Variants in EYS observed in about 807,000 individuals in gnomAD.
The protein encoded by EYS is protein eyes shut homolog.
A neutral mutation model predicts 282.1 loss-of-function variants in EYS; 250 were observed. The observed-to-expected ratio is 0.89, with a 90% CI of 0.80 to 0.98. The LOEUF is 0.98. Among genes scored for constraint, EYS ranks in the 50% least tolerant of loss-of-function variants. The pLI is 0.00. For missense variants in EYS, 4,016 were observed against 3,709.0 expected (o/e 1.08, Z -2.15); for synonymous variants, 1,355 against 1,282.9 (o/e 1.06, Z -1.20).
intron 37 of EYS, among the ~76,000 whole-genome samples, chr6:63,803,478 G>T (rs1055050612): frequency 3.3e-5 from 5 of 152,150 alleles, no homozygotes; most frequent in African/African-American, 4.8e-5. Context: ...GCCAGCCAAA[G>T]CCTGTAACAA....
At chr6:64,300,339 G>A (rs769134403) in intron 30 of EYS, among the ~76,000 whole-genome samples, 2 of 152,146 alleles carry the variant, frequency 1.3e-5, no homozygotes, top group Non-Finnish European at 2.9e-5. Flanking sequence ...CACTGCTGCC[G>A]TCTAGCTCCG....
intron 29 of EYS, among the ~76,000 whole-genome samples, chr6:64,382,470 T>C (rs539092008): frequency 1.3e-5 from 2 of 152,288 alleles, no homozygotes; most frequent in South Asian, 2.1e-4. Flanking sequence ...CTCACCTCCA[T>C]TTAGTTGCTT....
chr6:65,051,077 T>C (rs1337099466), intron 13 of EYS, among the ~76,000 whole-genome samples: 1 of 151,640 alleles, frequency 6.6e-6, no homozygotes, highest in East Asian at 1.9e-4. Flanking sequence ...ATTTTACTTG[T>C]CTATACGTAG....
At chr6:63,879,664 C>A (rs1425990335) in intron 35 of EYS, among the ~76,000 whole-genome samples, 1 of 152,138 alleles carries the variant, frequency 6.6e-6, no homozygotes, top group Non-Finnish European at 1.5e-5. Context: ...ATCCTGGGGA[C>A]AGTTTGGTTA....
chr6:64,843,658 C>A (rs1038469306), intron 19 of EYS, among the ~76,000 whole-genome samples: 1 of 152,054 alleles, frequency 6.6e-6, no homozygotes, highest in Non-Finnish European at 1.5e-5. Flanking sequence ...AACTAGCTTC[C>A]TATTGATTTT....
intron 8 of EYS, among the ~76,000 whole-genome samples, chr6:65,377,317 TC>T (rs1765408245): frequency 6.6e-6 from 1 of 152,064 alleles, no homozygotes; most frequent in African/African-American, 2.4e-5. Context: ...ACAACAAAGT[TC>T]TTTGAAACCA....
At chr6:64,029,115 C>T (rs574184565) in intron 33 of EYS, among the ~76,000 whole-genome samples, 29 of 152,136 alleles carry the variant, frequency 1.9e-4, no homozygotes, top group Non-Finnish European at 3.5e-4. Flanking sequence ...AGAATGGGAA[C>T]CAGAGGCAGA....
At chr6:64,954,000 C>A (rs1235420890) in intron 14 of EYS, among the ~76,000 whole-genome samples, 1 of 38,084 alleles carries the variant, frequency 2.6e-5, no homozygotes, top group Non-Finnish European at 5.1e-5. Flanking sequence ...TTATACTTTT[C>A]ATTAGTAACA....
At chr6:65,346,439 G>A (rs1770398377) in intron 9 of EYS, among the ~76,000 whole-genome samples, 1 of 148,752 alleles carries the variant, frequency 6.7e-6, no homozygotes, top group African/African-American at 2.5e-5. Context: ...TCCGAAGTGT[G>A]TATAATTTAA....
chr6:65,136,403 T>A (rs1776023592), intron 12 of EYS, among the ~76,000 whole-genome samples: 2 of 152,036 alleles, frequency 1.3e-5, no homozygotes, highest in Admixed American at 1.3e-4. Context: ...TACGATCACT[T>A]TTTTATAGTT....
chr6:64,876,416 A>G (rs887012847), intron 19 of EYS, among the ~76,000 whole-genome samples: 1 of 152,140 alleles, frequency 6.6e-6, no homozygotes, highest in African/African-American at 2.4e-5. Context: ...AACATTCAAA[A>G]AGTTTAAATT....
chr6:64,276,471 T>C (rs1768118903), intron 30 of EYS, among the ~76,000 whole-genome samples: 1 of 152,206 alleles, frequency 6.6e-6, no homozygotes, highest in Non-Finnish European at 1.5e-5. Flanking sequence ...ATAATTCTAA[T>C]TATCAAATCT....
At chr6:64,872,397 A>C (rs971341711) in intron 19 of EYS, among the ~76,000 whole-genome samples, 4 of 152,034 alleles carry the variant, frequency 2.6e-5, no homozygotes, top group African/African-American at 9.7e-5. Flanking sequence ...TAATTAATTA[A>C]ATGTTGAAAA....
intron 36 of EYS, among the ~76,000 whole-genome samples, chr6:63,817,746 T>C (rs144125576): frequency 3.1e-4 from 47 of 152,326 alleles, no homozygotes; most frequent in Non-Finnish European, 6.2e-4. Flanking sequence ...TCCTTTCACG[T>C]AGGGGAAGCA....
At chr6:64,559,049 C>A (rs539408983) in intron 26 of EYS, among the ~76,000 whole-genome samples, 1 of 152,156 alleles carries the variant, frequency 6.6e-6, no homozygotes, top group Non-Finnish European at 1.5e-5. Flanking sequence ...CTTACAATTT[C>A]CAGTACCAAA....
At chr6:63,857,084 G>C (rs1212257403) in intron 36 of EYS, among the ~76,000 whole-genome samples, 1 of 152,174 alleles carries the variant, frequency 6.6e-6, no homozygotes, top group Non-Finnish European at 1.5e-5. Context: ...TTCCAGGCTA[G>C]TATGGTGGTT....
chr6:64,153,575 T>C (rs1454987709), intron 31 of EYS, among the ~76,000 whole-genome samples: 1 of 152,208 alleles, frequency 6.6e-6, no homozygotes, highest in African/African-American at 2.4e-5. Flanking sequence ...CATAAGTTAT[T>C]AGGGAAAGCA....
At chr6:65,688,533 C>A (rs1769116060) in intron 1 of EYS, among the ~76,000 whole-genome samples, 1 of 151,940 alleles carries the variant, frequency 6.6e-6, no homozygotes, top group Non-Finnish European at 1.5e-5. Context: ...GGAAGGACAC[C>A]AAAAGCGATG....
intron 41 of EYS, among the ~76,000 whole-genome samples, chr6:63,755,711 T>C (rs1288209335): frequency 6.6e-6 from 1 of 152,232 alleles, no homozygotes; most frequent in African/African-American, 2.4e-5. Context: ...AGTCCATAAA[T>C]TACCTTGGGC....
Sources: allele counts gnomAD v4.1 joint callset (sites outside exome capture counted in the v4.1 genomes callset), GRCh38; gene constraint gnomAD v4.1.1; transcripts MANE v1.5; gene names NCBI Gene and HGNC (gene_info 2026-07-23, HGNC 2026-07-21).